FBXL17: variants seen among roughly 807,000 people sequenced by gnomAD.
FBXL17 encodes the protein F-box and leucine rich repeat protein 17, also known as F-box/LRR-repeat protein 17.
FBXL17 carries 22 observed loss-of-function variants against 66.2 expected under a neutral mutation model. The ratio of observed to expected loss-of-function variants is 0.33; its 90% CI spans 0.24 to 0.47. The LOEUF (loss-of-function observed/expected upper bound fraction) is 0.47. Ranked by LOEUF, FBXL17 falls within the 20% of genes least tolerant of loss-of-function variation. The pLI, the probability that FBXL17 is intolerant of heterozygous loss-of-function variation, is 1.00. For synonymous variants in FBXL17, 474 were observed against 400.5 expected, an observed-to-expected ratio of 1.18 and a Z score of -2.19; for missense variants, 878 against 948.2, an observed-to-expected ratio of 0.93 and a Z score of 0.97.
At chr5:108,184,082 G>A (rs1241566194) in intron 6 of FBXL17, among the ~76,000 whole-genome samples, 3 of 152,042 alleles carry the variant, frequency 2.0e-5, no homozygotes, top group African/African-American at 7.3e-5. Context: ...GGGGAAAATG[G>A]AGTCTACATG....
intron 6 of FBXL17, among the ~76,000 whole-genome samples, chr5:108,157,506 G>A (rs1669814883): frequency 2.6e-5 from 4 of 151,054 alleles, no homozygotes; most frequent in Non-Finnish European, 3.0e-5. Context: ...AAAAGATCAT[G>A]TTTGCTGTAT....
intron 5 of FBXL17, among the ~76,000 whole-genome samples, chr5:108,212,520 C>T (rs1754420775): frequency 1.3e-5 from 2 of 151,476 alleles, no homozygotes; most frequent in Admixed American, 6.6e-5. Flanking sequence ...GTCTTTGAGT[C>T]GACATGCTCT....
At chr5:108,100,712 G>A (rs970261639) in intron 6 of FBXL17, among the ~76,000 whole-genome samples, 1 of 152,028 alleles carries the variant, frequency 6.6e-6, no homozygotes, top group African/African-American at 2.4e-5. Context: ...GGTACTTTCT[G>A]GCAGACTCTG....
chr5:107,932,134 A>T (rs1750757494), intron 7 of FBXL17, among the ~76,000 whole-genome samples: 1 of 152,228 alleles, frequency 6.6e-6, no homozygotes, highest in African/African-American at 2.4e-5. Flanking sequence ...TCTTAGAAGA[A>T]GGATTTTTGT....
intron 4 of FBXL17, among the ~76,000 whole-genome samples, chr5:108,342,453 A>G (rs566750801): frequency 9.9e-4 from 150 of 152,274 alleles, no homozygotes; most frequent in African/African-American, 3.5e-3. Flanking sequence ...CATCCTAAAA[A>G]ATGATTTTCT....
chr5:108,025,717 A>G (rs367848982), intron 6 of FBXL17, among the ~76,000 whole-genome samples: 4,238 of 104,060 alleles, frequency 0.041, 163 homozygotes, highest in African/African-American at 0.12. Context: ...ACACACACAC[A>G]CGCGCGCGCG....
intron 6 of FBXL17, among the ~76,000 whole-genome samples, chr5:108,072,553 A>C (rs1259039222): frequency 6.6e-6 from 1 of 152,140 alleles, no homozygotes; most frequent in Non-Finnish European, 1.5e-5. Context: ...AATATTTTTA[A>C]AAAAATTAGC....
chr5:108,023,254 C>CT (rs942865436), intron 6 of FBXL17, among the ~76,000 whole-genome samples: 125 of 152,164 alleles, frequency 8.2e-4, no homozygotes, highest in Middle Eastern at 3.4e-3. Flanking sequence ...AACCATACTC[C>CT]TTGGAAAACT....
chr5:108,078,992 T>C (rs570042541), intron 6 of FBXL17, among the ~76,000 whole-genome samples: 1 of 152,174 alleles, frequency 6.6e-6, no homozygotes, highest in Non-Finnish European at 1.5e-5. Context: ...ACAGCCTTAA[T>C]CTTCCAGCCT....
At chr5:108,239,843 T>C (rs1755775291) in intron 4 of FBXL17, among the ~76,000 whole-genome samples, 1 of 151,878 alleles carries the variant, frequency 6.6e-6, no homozygotes, top group Non-Finnish European at 1.5e-5. Flanking sequence ...AAGAGGACTT[T>C]GTCTTGCAAT....
chr5:108,051,720 T>C (rs2112824185), intron 6 of FBXL17, among the ~76,000 whole-genome samples: 1 of 152,240 alleles, frequency 6.6e-6, no homozygotes. Flanking sequence ...CTCATGCCTG[T>C]AATCCCAGGA....
chr5:108,124,963 C>A (rs1358619273), intron 6 of FBXL17, among the ~76,000 whole-genome samples: 4 of 151,968 alleles, frequency 2.6e-5, no homozygotes, highest in Non-Finnish European at 5.9e-5. Context: ...ACGACTAGGG[C>A]AATATCCTAA....
Position 108,029,032 on chromosome 5 carries a change from A to T in FBXL17, c.1746-8031T>A, listed in dbSNP as rs17160880. ...AAGCAGGTCAACATCTTCATTCCAA[A>T]TGTTTCCCGTATGCTTTAAACATTC... On this transcript the variant is annotated intron_variant, in intron 6 of 8. Coordinates refer to ENST00000542267, the MANE Select transcript of FBXL17 (RefSeq NM_001163315.3). 9.4e-3 allele frequency among the ~76,000 whole-genome samples: 1,427 copies of T among 152,246 alleles called. 21 individuals are homozygous for T. The highest frequency in any genetic ancestry group is 0.033 in the African/African-American group (1,369 of 41,538).
chr5:107,996,998 A>G (rs921806834), intron 7 of FBXL17, among the ~76,000 whole-genome samples: 1 of 152,218 alleles, frequency 6.6e-6, no homozygotes, highest in Non-Finnish European at 1.5e-5. Context: ...AGGAATATGC[A>G]CATGTTCTTA....
At chr5:108,164,062 T>C (rs930261671) in intron 6 of FBXL17, among the ~76,000 whole-genome samples, 1 of 152,196 alleles carries the variant, frequency 6.6e-6, no homozygotes, top group Admixed American at 6.6e-5. Context: ...AATCAAACTA[T>C]AAAATTACTC....
At chr5:108,376,706 C>G (rs1292946424) in intron 1 of FBXL17, among the ~76,000 whole-genome samples, 2 of 151,924 alleles carry the variant, frequency 1.3e-5, no homozygotes, top group Admixed American at 1.3e-4. Flanking sequence ...CAGCATGGGT[C>G]ACATTTTTCT....
intron 6 of FBXL17, among the ~76,000 whole-genome samples, chr5:108,140,298 G>A (rs1580500457): frequency 6.6e-6 from 1 of 152,056 alleles, no homozygotes; most frequent in Non-Finnish European, 1.5e-5. Context: ...CACCTGCCTC[G>A]GCCTCTCAAA....
intron 4 of FBXL17, among the ~76,000 whole-genome samples, chr5:108,253,031 T>C (rs1014768400): frequency 3.3e-5 from 5 of 152,126 alleles, no homozygotes; most frequent in African/African-American, 4.8e-5. Flanking sequence ...TCCAAAGAAC[T>C]GCAATAATAA....
chr5:108,024,004 A>AG (rs141068488), intron 6 of FBXL17, among the ~76,000 whole-genome samples: 166 of 152,280 alleles, frequency 1.1e-3, no homozygotes, highest in African/African-American at 3.8e-3. Flanking sequence ...GGTCTGTAGG[A>AG]GCAAGCCATG....
Sources: gnomAD v4.1 joint callset for allele counts (sites outside exome capture counted in the v4.1 genomes callset) on GRCh38, gnomAD v4.1.1 for gene constraint, MANE v1.5 for transcripts, NCBI Gene and HGNC (gene_info 2026-07-23, HGNC 2026-07-21) for gene names.